The following OCM variants were observed in gnomAD, a reference collection of about 807,000 sequenced individuals.
The protein encoded by OCM is oncomodulin-1.
Under a neutral mutation model 14.1 loss-of-function variants are expected in OCM, and 18 were observed. The ratio of observed to expected loss-of-function variants is 1.28; its 90% CI spans 0.88 to 1.89. OCM has a LOEUF of 1.89. Among genes scored for constraint, OCM ranks in the 40% most tolerant of loss-of-function variants. OCM has a pLI of 0.00. For synonymous variants in OCM, 48 were observed against 51.0 expected (o/e 0.94, Z 0.25); for missense variants, 140 against 137.6 (o/e 1.02, Z -0.09).
At chr7:5,879,336 G>A (rs537436659), upstream of OCM, among the ~76,000 whole-genome samples, 1 of 152,096 alleles carries the variant, frequency 6.6e-6, no homozygotes, top group Non-Finnish European at 1.5e-5. Context: ...GCAATTTATG[G>A]TATAGCTGGG....
intron 3 of OCM, 97 bp from the exon 4 acceptor site, chr7:5,885,967 T>C: frequency 2.6e-6 from 4 of 1,517,298 alleles, no homozygotes; most frequent in Non-Finnish European, 3.7e-6. Flanking sequence ...ACAATTTTCT[T>C]TGCTTCCTTC....
chr7:5,864,676 CG>C, the OCM span, among the ~76,000 whole-genome samples: 3 of 151,670 alleles, frequency 2.0e-5, no homozygotes. Flanking sequence ...TCAAATAGGC[CG>C]GGCACCGTGG....
chr7:5,874,745 A>G, the OCM span, among the ~76,000 whole-genome samples: 4 of 151,806 alleles, frequency 2.6e-5, no homozygotes, highest in South Asian at 6.2e-4. Context: ...GCTTCAAGCA[A>G]TTTTCACGCC....
the OCM span, among the ~76,000 whole-genome samples, chr7:5,866,338 G>T: frequency 5.5e-5 from 7 of 128,056 alleles, no homozygotes; most frequent in African/African-American, 1.6e-4. Context: ...AGGAAGGAGT[G>T]GGGGGGAGAG....
chr7:5,876,242 A>G (rs537186923), upstream of OCM, among the ~76,000 whole-genome samples: 63 of 152,228 alleles, frequency 4.1e-4, no homozygotes, highest in African/African-American at 1.2e-3. Context: ...GACCTCAGGT[A>G]ATCCACGTGC....
chr7:5,877,970 C>A (rs1316267581), upstream of OCM, among the ~76,000 whole-genome samples: 1 of 123,550 alleles, frequency 8.1e-6, no homozygotes, highest in African/African-American at 3.4e-5. Context: ...ATAAAGCAGT[C>A]AAACTCTTTT....
At chr7:5,869,683 T>C in the OCM span, among the ~76,000 whole-genome samples, 2 of 151,978 alleles carry the variant, frequency 1.3e-5, no homozygotes, top group Non-Finnish European at 2.9e-5. Flanking sequence ...CCTTCTCCAG[T>C]CCCCTCCTAC....
chr7:5,883,772 C>T, intron 2 of OCM, 118 bp from the exon 3 acceptor site: 1 of 1,203,382 alleles, frequency 8.3e-7, no homozygotes, highest in Non-Finnish European at 1.2e-6. Context: ...TTGCTAAGAC[C>T]TTGGTTAATT....
At chr7:5,864,102 G>C in the OCM span, among the ~76,000 whole-genome samples, 1 of 152,094 alleles carries the variant, frequency 6.6e-6, no homozygotes, top group South Asian at 2.1e-4. Flanking sequence ...CACTTTAGGA[G>C]GCTGAGGCAG....
the OCM span, among the ~76,000 whole-genome samples, chr7:5,860,445 A>G: frequency 0.012 from 1,601 of 131,184 alleles, 52 homozygotes; most frequent in Non-Finnish European, 0.019. Flanking sequence ...GTGTATATAT[A>G]CGTGTATGTA....
At chr7:5,872,703 C>G in the OCM span, among the ~76,000 whole-genome samples, 1 of 152,032 alleles carries the variant, frequency 6.6e-6, no homozygotes, top group African/African-American at 2.4e-5. Context: ...CATCACCACT[C>G]CCTAATCTCA....
chr7:5,868,811 C>T, the OCM span, among the ~76,000 whole-genome samples: 1 of 152,050 alleles, frequency 6.6e-6, no homozygotes, highest in African/African-American at 2.4e-5. Context: ...GCCTATAATC[C>T]CAGCACTTTG....
the OCM span, among the ~76,000 whole-genome samples, chr7:5,865,962 C>T: frequency 6.6e-6 from 1 of 152,136 alleles, no homozygotes; most frequent in South Asian, 2.1e-4. Flanking sequence ...TTAATCACTT[C>T]AGTCCCATAA....
At chr7:5,873,973 T>C in the OCM span, among the ~76,000 whole-genome samples, 2 of 151,074 alleles carry the variant, frequency 1.3e-5, no homozygotes, top group East Asian at 3.9e-4. Flanking sequence ...CACAGCACTT[T>C]GGGAGGCTGA....
chr7:5,884,683 G>C (rs189790752), intron 3 of OCM, among the ~76,000 whole-genome samples: 172 of 147,620 alleles, frequency 1.2e-3, no homozygotes, highest in African/African-American at 4.1e-3. Flanking sequence ...GTGCTAATTT[G>C]AAATTTAAAA....
At chr7:5,862,148 G>T in the OCM span, among the ~76,000 whole-genome samples, 77 of 152,220 alleles carry the variant, frequency 5.1e-4, no homozygotes, top group African/African-American at 1.8e-3. Context: ...CTGAAAGTTC[G>T]TTTTAAAGAC....
the OCM span, among the ~76,000 whole-genome samples, chr7:5,861,031 G>A: frequency 2.6e-5 from 4 of 152,052 alleles, no homozygotes; most frequent in East Asian, 3.9e-4. Flanking sequence ...GAGGTGGCTC[G>A]CTAATGCTGA....
upstream of OCM, among the ~76,000 whole-genome samples, chr7:5,880,426 C>G (rs1295735155): frequency 1.3e-5 from 2 of 151,810 alleles, no homozygotes; most frequent in Admixed American, 1.3e-4. Context: ...GATATTCTGT[C>G]CCGTCACTTA....
the OCM span, among the ~76,000 whole-genome samples, chr7:5,867,911 A>C: frequency 2.0e-5 from 3 of 151,496 alleles, no homozygotes; most frequent in Non-Finnish European, 4.4e-5. Flanking sequence ...ACTTTTTAAA[A>C]TTTTTTTGTA....
Sources: gnomAD v4.1 joint callset for allele counts (sites outside exome capture counted in the v4.1 genomes callset) on GRCh38, gnomAD v4.1.1 for gene constraint, MANE v1.5 for transcripts, NCBI Gene and HGNC (gene_info 2026-07-23, HGNC 2026-07-21) for gene names.